The following NHEJ1 variants were observed in gnomAD, a reference collection of about 807,000 sequenced individuals.
NHEJ1 encodes the protein non-homologous end-joining factor 1.
Under a neutral mutation model 39.4 loss-of-function variants are expected in NHEJ1, and 22 were observed. The ratio of observed to expected loss-of-function variants is 0.56; its 90% confidence interval spans 0.40 to 0.80. NHEJ1 has a LOEUF of 0.80. Among genes scored for constraint, NHEJ1 ranks in the 30% least tolerant of loss-of-function variants. NHEJ1 has a pLI of 0.00. For synonymous variants in NHEJ1, 154 were observed against 135.6 expected (o/e 1.14, Z -0.94); for missense variants, 329 against 357.1 (o/e 0.92, Z 0.63).
intron 3 of NHEJ1, among the ~76,000 whole-genome samples, chr2:219,150,048 T>C (rs887702720): frequency 6.6e-5 from 10 of 152,240 alleles, no homozygotes; most frequent in African/African-American, 1.9e-4. Context: ...TCCCATAACA[T>C]GTGCAAGCCA....
intron 5 of NHEJ1, among the ~76,000 whole-genome samples, chr2:219,087,404 C>G (rs1289336693): frequency 6.6e-6 from 1 of 150,926 alleles, no homozygotes; most frequent in East Asian, 1.9e-4. Flanking sequence ...TGACTTGGTG[C>G]GAAGAGAGGA....
intron 5 of NHEJ1, among the ~76,000 whole-genome samples, chr2:219,078,465 A>G (rs1289065883): frequency 6.6e-6 from 1 of 152,200 alleles, no homozygotes; most frequent in East Asian, 1.9e-4. Context: ...AATACCCTAT[A>G]GATTTCTAGG....
intron 3 of NHEJ1, 145 bp from the exon 4 acceptor site, chr2:219,147,940 G>T: frequency 1.3e-6 from 1 of 774,724 alleles, no homozygotes; most frequent in Non-Finnish European, 2.1e-6. Context: ...TTACATGAAT[G>T]TAAACACAAA....
At chr2:219,108,023 A>G (rs1440577390) in intron 5 of NHEJ1, among the ~76,000 whole-genome samples, 1 of 151,842 alleles carries the variant, frequency 6.6e-6, no homozygotes, top group Non-Finnish European at 1.5e-5. Flanking sequence ...CATGACTGCT[A>G]TTTATAGCTT....
At chr2:219,116,433 A>G (rs1312741116) in intron 5 of NHEJ1, among the ~76,000 whole-genome samples, 2 of 152,070 alleles carry the variant, frequency 1.3e-5, no homozygotes, top group Non-Finnish European at 2.9e-5. Flanking sequence ...CACAGCTCAC[A>G]GCAGCCTTGA....
intron 5 of NHEJ1, among the ~76,000 whole-genome samples, chr2:219,120,599 C>G (rs946189034): frequency 4.6e-5 from 7 of 152,190 alleles, no homozygotes; most frequent in Non-Finnish European, 8.8e-5. Flanking sequence ...CCTCAGACCT[C>G]AAGATTTACA....
intron 5 of NHEJ1, among the ~76,000 whole-genome samples, chr2:219,086,960 AG>A (rs1949117180): frequency 6.6e-6 from 1 of 152,028 alleles, no homozygotes; most frequent in Admixed American, 6.5e-5. Context: ...ATGGCTTTCT[AG>A]TCTGGAGGGC....
Position 219,070,544 on chromosome 2 carries a change from C to T in NHEJ1, c.*5837G>A, listed in dbSNP as rs1208269222. 6.6e-6 allele frequency among the ~76,000 whole-genome samples: 1 copy of T among 152,134 alleles called. No homozygotes were observed. The highest frequency in any genetic ancestry group is 2.4e-5 in the African/African-American group (1 of 41,420). The stretch of plus-strand genomic sequence containing the variant: ...CAAAGACAGGGTTTCGCCATGTTGC[C>T]TAGGCTGGTCTCAAACTCCTAGCCT... On this transcript the variant is annotated 3_prime_UTR_variant, in exon 8 of 8. Transcript: ENST00000356853.
intron 3 of NHEJ1, among the ~76,000 whole-genome samples, chr2:219,148,290 A>G (rs1949761826): frequency 6.6e-6 from 1 of 152,198 alleles, no homozygotes; most frequent in African/African-American, 2.4e-5. Context: ...GAGATGGCTC[A>G]TGCCTGTAAT....
chr2:219,104,515 AAC>A (rs1171634900), intron 5 of NHEJ1, among the ~76,000 whole-genome samples: 2 of 152,198 alleles, frequency 1.3e-5, no homozygotes, highest in Non-Finnish European at 2.9e-5. Flanking sequence ...TTCCCTAGGA[AAC>A]AAAGGGGAAT....
chr2:219,155,748 C>G (rs970268160), intron 3 of NHEJ1, among the ~76,000 whole-genome samples: 6 of 147,560 alleles, frequency 4.1e-5, no homozygotes, highest in Non-Finnish European at 3.0e-5. Context: ...CGATGAAACC[C>G]TGTCTCTACT....
chr2:219,078,153 C>A lies in NHEJ1; in HGVS notation c.642G>T (p.Leu214=), dbSNP rs774224764. Residue 214 remains leucine (L), a synonymous_variant, in exon 6 of 8, where the codon CTG becomes CTT. Coordinates refer to ENST00000356853, the MANE Select transcript of NHEJ1 (RefSeq NM_024782.3). ...IGDGKPFVMN[L]QDLYMAVTTQ... is the part of the protein sequence containing the mutation. ...TGGTGACTGCCATATACAGATCCTG[C>A]AGATTCATGACAAAGGGCTTTCCAT... 2 of 1,614,188 alleles carry A rather than the reference C, an allele frequency of 1.2e-6. No homozygotes were observed. Among genetic ancestry groups the A allele is most frequent in the South Asian group, 1.1e-5 (1 of 91,084 alleles).
intron 5 of NHEJ1, among the ~76,000 whole-genome samples, chr2:219,095,620 G>A (rs1385504008): frequency 6.6e-6 from 1 of 152,140 alleles, no homozygotes; most frequent in African/African-American, 2.4e-5. Context: ...AGCCAATGGG[G>A]AGAGCACCAT....
At chr2:219,142,923 G>A (rs1328262321) in intron 5 of NHEJ1, among the ~76,000 whole-genome samples, 1 of 152,206 alleles carries the variant, frequency 6.6e-6, no homozygotes, top group Non-Finnish European at 1.5e-5. Flanking sequence ...GAAATCAGAG[G>A]CTCTTAGACA....
At chr2:219,078,006 G>T in intron 6 of NHEJ1, 83 bp downstream of exon 6, 3 of 929,968 alleles carry the variant, frequency 3.2e-6, no homozygotes, top group Non-Finnish European at 5.4e-6. Context: ...GTTATATGTG[G>T]CTAGAAAACT....
chr2:219,114,470 T>C (rs1251581353), intron 5 of NHEJ1, among the ~76,000 whole-genome samples: 1 of 152,136 alleles, frequency 6.6e-6, no homozygotes, highest in African/African-American at 2.4e-5. Flanking sequence ...CTCAGGGGCT[T>C]CCAGACAGAA....
Position 219,075,060 on chromosome 2 carries a change from G to A in NHEJ1, c.*1321C>T, listed in dbSNP as rs555611064. Among the ~76,000 whole-genome samples the A allele has an allele frequency of 2.4e-4, 36 of 152,304 alleles. No individual in the cohort carries two copies. The South Asian group carries it at 7.0e-3, about 30-fold the overall frequency. Reference sequence around the variant, plus strand: ...GAGGTTTACAGTGGGAGACTGGAAAGAAGAACCTAATGTCCTTTCTGGAAA... The same window carrying A: ...GAGGTTTACAGTGGGAGACTGGAAAAAAGAACCTAATGTCCTTTCTGGAAA... On this transcript the variant is annotated 3_prime_UTR_variant, in exon 8 of 8. Transcript: ENST00000356853.
intron 3 of NHEJ1, among the ~76,000 whole-genome samples, chr2:219,150,615 T>G (rs1949785735): frequency 6.6e-6 from 1 of 151,832 alleles, no homozygotes; most frequent in South Asian, 2.1e-4. Flanking sequence ...AGCTTAGGAG[T>G]TTGAGACCAG....
At position 219,126,523 on chromosome 2, in the gene NHEJ1, T is replaced by G. The variant is rs535004250; in HGVS notation, c.588+20157A>C. Among the ~76,000 whole-genome samples, 6 of 152,352 alleles carry G rather than the reference T, an allele frequency of 3.9e-5. No homozygotes were observed. In the South Asian group the frequency reaches 1.2e-3, roughly 32 times the overall value. On this transcript the variant is annotated intron_variant, in intron 5 of 7. Transcript: ENST00000356853. ...GCCTGCTCATTTTACCAGGCAGTTATGCGAATCAAATGAAATCAAAAAGGC... is the reference window on the plus strand; with the variant it reads ...GCCTGCTCATTTTACCAGGCAGTTAGGCGAATCAAATGAAATCAAAAAGGC...
Sources: allele counts gnomAD v4.1 joint callset (sites outside exome capture counted in the v4.1 genomes callset), GRCh38; gene constraint gnomAD v4.1.1; transcripts MANE v1.5; gene names NCBI Gene and HGNC (gene_info 2026-07-23, HGNC 2026-07-21).